IL10: variants seen among roughly 807,000 people sequenced by gnomAD.
The protein encoded by IL10 is interleukin-10.
Under a neutral mutation model 21.0 loss-of-function variants are expected in IL10, and 7 were observed. That is an observed-to-expected ratio of 0.33 (90% confidence interval 0.19 to 0.63). The LOEUF is 0.63. Among genes scored for constraint, IL10 ranks in the 20% least tolerant of loss-of-function variants. IL10 has a pLI of 0.77. For synonymous variants in IL10, 83 were observed against 79.7 expected (o/e 1.04, Z -0.22); for missense variants, 161 against 213.0 (o/e 0.76, Z 1.52).
At chr1:206,769,510 C>A in intron 4 of IL10, 1 of 469,608 alleles carries the variant, frequency 2.1e-6, no homozygotes, top group Non-Finnish European at 3.9e-6. Context: ...AAGCTACTTT[C>A]TGTACTTTCT....
At chr1:206,771,327 C>T in intron 2 of IL10, 29 bp downstream of exon 2, 1 of 1,597,764 alleles carries the variant, frequency 6.3e-7, no homozygotes, top group Non-Finnish European at 8.6e-7. Context: ...ATGCTGCACA[C>T]TCCCCCAGCA....
rs1674724783 is a variant in IL10 at position 206,768,237 on chromosome 1, G to A, written c.*399C>T. The A allele has an allele frequency of 7.3e-6, 2 of 272,160 alleles. No homozygotes were observed. Among genetic ancestry groups the A allele is most frequent in the Admixed American group, 4.9e-5 (1 of 20,500 alleles). The allele number at this position is 272,160 out of a possible 1,614,324, so 16.9% of individuals were successfully genotyped here. ...ACAAGATAAATTAGAGGGAGGTCAG[G>A]GAAAACAGCTCAACAGCTAGAAAGC... On this transcript the variant is annotated 3_prime_UTR_variant, in exon 5 of 5. Transcript: ENST00000423557.
At chr1:206,769,930 C>T in intron 3 of IL10, 36 bp from the exon 4 acceptor site, 2 of 1,565,180 alleles carry the variant, frequency 1.3e-6, no homozygotes, top group Non-Finnish European at 8.8e-7. Context: ...GTGATCCTGG[C>T]TTCCAGCTCC....
intron 4 of IL10, among the ~76,000 whole-genome samples, chr1:206,769,273 T>G (rs1421846218): frequency 6.6e-6 from 1 of 152,192 alleles, no homozygotes; most frequent in Non-Finnish European, 1.5e-5. Flanking sequence ...CACGCACAGT[T>G]GGAAGTGTGA....
Position 206,769,900 on chromosome 1 carries a change from G to C in IL10, c.379-6C>G. On this transcript the variant is annotated splice_polypyrimidine_tract_variant and splice_region_variant and intron_variant, in intron 3 of 4. Transcript: ENST00000423557. The stretch of plus-strand genomic sequence containing the variant: ...TCACAGGGAAGAAATCGATGCTGTG[G>C]AAGAAAAGAGAAAGTGTTGGTGATC... The C allele has an allele frequency of 3.1e-6, 5 of 1,612,718 alleles. No homozygotes were observed. Among genetic ancestry groups the C allele is most frequent in the Non-Finnish European group, 4.2e-6 (5 of 1,178,748 alleles).
chr1:206,769,984 G>T, intron 3 of IL10, 90 bp from the exon 4 acceptor site: 1 of 1,026,922 alleles, frequency 9.7e-7, no homozygotes, highest in Non-Finnish European at 1.5e-6. Context: ...ATCATGAGGA[G>T]GCCAGATTTA....
intron 1 of IL10, 58 bp from the exon 2 acceptor site, chr1:206,771,473 G>A (rs934853384): frequency 7.1e-6 from 10 of 1,403,838 alleles, no homozygotes; most frequent in Non-Finnish European, 8.9e-6. Context: ...CTGAAATGCG[G>A]TCTTTTTGAT....
chr1:206,771,231 A>G (rs1016634050), intron 2 of IL10, 125 bp downstream of exon 2: 10 of 1,154,920 alleles, frequency 8.7e-6, no homozygotes, highest in Non-Finnish European at 1.3e-5. Context: ...GTGCTGAGTT[A>G]ACATCTTCCC....
chr1:206,768,579 G>T lies in IL10; in HGVS notation c.*57C>A. 9.9e-7 allele frequency: 1 copy of T among 1,005,916 alleles called. No individual in the cohort carries two copies. The highest frequency in any genetic ancestry group is 1.6e-6 in the Non-Finnish European group (1 of 629,682). 62.3% of individuals were successfully genotyped at this position (1,005,916 alleles called of 1,614,324 possible). On this transcript the variant is annotated 3_prime_UTR_variant, in exon 5 of 5. Coordinates refer to ENST00000423557, the MANE Select transcript of IL10 (RefSeq NM_000572.3). ...TCAGCTATCCCAGAGCCCCAGATCC[G>T]ATTTTGGAGACCTCTAATTTATGTC...
intron 1 of IL10, among the ~76,000 whole-genome samples, chr1:206,771,670 A>G (rs571473549): frequency 1.3e-5 from 2 of 152,350 alleles, no homozygotes; most frequent in South Asian, 4.1e-4. Flanking sequence ...AGCTTGACTC[A>G]GTCCTGGTCT....
intron 2 of IL10, 43 bp downstream of exon 2, chr1:206,771,313 A>T: frequency 6.4e-7 from 1 of 1,555,272 alleles, no homozygotes; most frequent in Non-Finnish European, 8.9e-7. Context: ...CCCTTCCCTT[A>T]ATCATGCTGC....
rs752491913 is a variant in IL10, at chr1:206,772,344, G to A, written c.92C>T (p.Thr31Ile). Residue 31 changes from threonine to isoleucine, a missense_variant, in exon 1 of 5, where the codon ACC becomes ATC. Physicochemically the swap from Thr to Ile is moderately conservative, Grantham distance 89 (BLOSUM62 -1). Transcript: ENST00000423557. The part of the protein sequence containing the change: ...GQGTQSENSC[T>I]HFPGNLPNML... ...GTTAGGCAGGTTGCCTGGGAAGTGGGTGCAGCTGTTCTCAGACTGGGTGCC... is the reference window on the plus strand; with the variant it reads ...GTTAGGCAGGTTGCCTGGGAAGTGGATGCAGCTGTTCTCAGACTGGGTGCC... The A allele has an allele frequency of 6.2e-7, 1 of 1,614,188 alleles. No individual in the cohort carries two copies. The highest frequency in any genetic ancestry group is 1.1e-5 in the South Asian group (1 of 91,084).
intron 3 of IL10, 109 bp from the exon 4 acceptor site, chr1:206,770,003 C>A: frequency 1.2e-6 from 1 of 820,650 alleles, no homozygotes. Context: ...TATCCAAATG[C>A]CTTGCCTCAC....
chr1:206,772,183 G>T (rs768067866), intron 1 of IL10, 88 bp downstream of exon 1: 3 of 1,157,676 alleles, frequency 2.6e-6, no homozygotes, highest in South Asian at 1.2e-5. Context: ...AGGTGGAGGC[G>T]CAGGAGGAGG....
In IL10 at chr1:206,772,370, C is replaced by T; in HGVS notation, c.66G>A (p.Gln22=). 1.3e-5 allele frequency: 21 copies of T among 1,614,164 alleles called. No homozygotes were observed. The highest frequency in any genetic ancestry group is 1.5e-5 in the Non-Finnish European group (18 of 1,180,012). The change falls in exon 1 of 5, where the codon CAG becomes CAA. Residue 22 remains glutamine, a synonymous_variant. Coordinates refer to ENST00000423557, the MANE Select transcript of IL10 (RefSeq NM_000572.3). The part of the protein sequence containing the change: ...LLTGVRASPG[Q]GTQSENSCTH... Reference sequence around the variant, plus strand: ...TGCAGCTGTTCTCAGACTGGGTGCCCTGGCCTGGGCTGGCCCTCACCCCAG... The same window carrying T: ...TGCAGCTGTTCTCAGACTGGGTGCCTTGGCCTGGGCTGGCCCTCACCCCAG...
intron 3 of IL10, chr1:206,770,691 T>C (rs772943209): frequency 6.8e-6 from 4 of 589,634 alleles, no homozygotes; most frequent in African/African-American, 1.9e-5. Flanking sequence ...AGGAAAGCTG[T>C]TTGCAAATTT....
At position 206,771,024 on chromosome 1, in the gene IL10, G is replaced by A; in HGVS notation, c.261C>T (p.Ile87=). ...YLGCQALSEM[I]QFYLEEVMPQ... is the part of the protein sequence containing the mutation. Reference sequence around the variant, plus strand: ...GCATCACCTCCTCCAGGTAAAACTGGATCATCTCAGACAAGGCTTGGCAAC... The same window carrying A: ...GCATCACCTCCTCCAGGTAAAACTGAATCATCTCAGACAAGGCTTGGCAAC... The change falls in exon 3 of 5, where the codon ATC becomes ATT. Residue 87 remains isoleucine, a synonymous_variant. Transcript: ENST00000423557. 6.2e-7 allele frequency: 1 copy of A among 1,614,134 alleles called. No individual in the cohort carries two copies. The highest frequency in any genetic ancestry group is 8.5e-7 in the Non-Finnish European group (1 of 1,180,008).
chr1:206,770,062 T>C (rs1674777317), intron 3 of IL10, among the ~76,000 whole-genome samples, 168 bp from the exon 4 acceptor site: 1 of 152,144 alleles, frequency 6.6e-6, no homozygotes, highest in Non-Finnish European at 1.5e-5. Context: ...GGGAGTTAAA[T>C]GTATTTCTCC....
At chr1:206,770,221 C>T (rs778287916) in intron 3 of IL10, among the ~76,000 whole-genome samples, 9 of 152,118 alleles carry the variant, frequency 5.9e-5, no homozygotes, top group Admixed American at 1.3e-4. Context: ...TGTTCCTCCC[C>T]GTCAGTCACA....
Sources: gnomAD v4.1 joint callset for allele counts (sites outside exome capture counted in the v4.1 genomes callset) on GRCh38, gnomAD v4.1.1 for gene constraint, MANE v1.5 for transcripts, NCBI Gene and HGNC (gene_info 2026-07-23, HGNC 2026-07-21) for gene names.